Variants in F13A1 observed in about 807,000 individuals in gnomAD.
The protein encoded by F13A1 is coagulation factor XIII A chain.
F13A1 carries 47 observed loss-of-function variants against 80.1 expected under a neutral mutation model. The ratio of observed to expected loss-of-function variants is 0.59; its 90% CI spans 0.46 to 0.75. The LOEUF is 0.75. Among genes scored for constraint, F13A1 ranks in the 30% least tolerant of loss-of-function variants. F13A1 has a pLI of 0.00. For synonymous variants in F13A1, 349 were observed against 344.9 expected, an observed-to-expected ratio of 1.01 and a Z score of -0.13; for missense variants, 817 against 930.4, an observed-to-expected ratio of 0.88 and a Z score of 1.59.
In F13A1 at chr6:6,150,533, A is replaced by G. The variant is rs145962689; in HGVS notation, c.2045+1280T>C. 3.9e-3 allele frequency among the ~76,000 whole-genome samples: 594 copies of G among 152,354 alleles called. 5 individuals are homozygous for G. Among genetic ancestry groups the G allele is most frequent in the African/African-American group, 0.013 (556 of 41,582 alleles). The stretch of plus-strand genomic sequence containing the variant: ...GCATTGTAATTTGAAAGAAATGCGG[A>G]GAGCCCTTTATGGGCAATAAAGTTG... On this transcript the variant is annotated intron_variant, in intron 14 of 14. Coordinates refer to ENST00000264870, the MANE Select transcript of F13A1 (RefSeq NM_000129.4).
At chr6:6,186,918 T>A (rs1761089713) in intron 10 of F13A1, among the ~76,000 whole-genome samples, 1 of 141,046 alleles carries the variant, frequency 7.1e-6, no homozygotes, top group Non-Finnish European at 1.5e-5. Flanking sequence ...GGTTTGTAGT[T>A]CTCCTTGAAG....
chr6:6,159,911 CT>C (rs1583048007), intron 13 of F13A1, among the ~76,000 whole-genome samples: 1 of 152,134 alleles, frequency 6.6e-6, no homozygotes, highest in East Asian at 1.9e-4. Context: ...ACTCCTGGAG[CT>C]GTTCCAGGTG....
chr6:6,206,653 A>G, intron 8 of F13A1: 1 of 441,084 alleles, frequency 2.3e-6, no homozygotes. Context: ...ACCTTCAAAG[A>G]GCAATGCCCC....
At chr6:6,283,383 G>T (rs1264663100) in intron 3 of F13A1, among the ~76,000 whole-genome samples, 1 of 152,144 alleles carries the variant, frequency 6.6e-6, no homozygotes, top group Non-Finnish European at 1.5e-5. Flanking sequence ...ACTCAAATGT[G>T]TTCTAAAGAT....
At chr6:6,190,073 A>T (rs1761158473) in intron 10 of F13A1, among the ~76,000 whole-genome samples, 1 of 152,120 alleles carries the variant, frequency 6.6e-6, no homozygotes, top group Admixed American at 6.5e-5. Flanking sequence ...TTTCAGCTCC[A>T]TCAGCTCCTT....
intron 4 of F13A1, among the ~76,000 whole-genome samples, chr6:6,254,128 C>T (rs1393569513): frequency 2.0e-5 from 3 of 152,126 alleles, no homozygotes; most frequent in Admixed American, 1.3e-4. Flanking sequence ...CCTACCATAT[C>T]GGCAAATATT....
At chr6:6,160,233 C>T (rs1023810276) in intron 13 of F13A1, among the ~76,000 whole-genome samples, 3 of 148,938 alleles carry the variant, frequency 2.0e-5, no homozygotes, top group South Asian at 4.3e-4. Context: ...GCCGAGATCA[C>T]ACCACTGCAC....
rs183802148 is a variant in F13A1, at chr6:6,273,647, T to C, written c.320-6838A>G. Among the ~76,000 whole-genome samples, 20 of 152,332 alleles carry C rather than the reference T, an allele frequency of 1.3e-4. No homozygotes were observed. In the East Asian group the frequency reaches 3.9e-3, roughly 29 times the overall value. ...TTAATTCATTTTTCCATTTGATTCA[T>C]TTGTTTTTCCCAAGGCGCACCTTTC... On this transcript the variant is annotated intron_variant, in intron 3 of 14. Transcript: ENST00000264870.
chr6:6,197,696 C>G (rs548571224), intron 8 of F13A1, among the ~76,000 whole-genome samples: 2 of 151,964 alleles, frequency 1.3e-5, no homozygotes, highest in Non-Finnish European at 2.9e-5. Flanking sequence ...AAAAAGTGAC[C>G]CCAAATCCTG....
At chr6:6,272,564 T>G (rs959758358) in intron 3 of F13A1, among the ~76,000 whole-genome samples, 1 of 152,176 alleles carries the variant, frequency 6.6e-6, no homozygotes, top group Non-Finnish European at 1.5e-5. Flanking sequence ...TCATATGCTA[T>G]ACTTAGTAAT....
intron 13 of F13A1, among the ~76,000 whole-genome samples, chr6:6,167,214 C>T (rs1220329453): frequency 1.3e-5 from 2 of 152,086 alleles, no homozygotes; most frequent in Non-Finnish European, 2.9e-5. Context: ...TTTATATCTG[C>T]AGCCACATCT....
intron 6 of F13A1, among the ~76,000 whole-genome samples, chr6:6,241,329 G>T (rs1317638258): frequency 6.6e-6 from 1 of 152,058 alleles, no homozygotes; most frequent in East Asian, 1.9e-4. Flanking sequence ...GATGGAAGTT[G>T]TATCTTTACC....
chr6:6,248,737 A>G (rs111695913), intron 5 of F13A1, among the ~76,000 whole-genome samples: 112 of 152,344 alleles, frequency 7.4e-4, no homozygotes, highest in African/African-American at 2.6e-3. Context: ...TCTTTTCAAC[A>G]TATTGGCTCC....
rs986557438 is a variant in F13A1, at chr6:6,281,803, C to A, written c.320-14994G>T. ...GGTCAGGAGATCGAGACCATCCTGG[C>A]GAACTTGGTGAAACCCCGCCTCTAC... On this transcript the variant is annotated intron_variant, in intron 3 of 14. Transcript: ENST00000264870. Among the ~76,000 whole-genome samples, 6 of 151,798 alleles carry A rather than the reference C, an allele frequency of 4.0e-5. No individual in the cohort carries two copies. In the East Asian group the frequency reaches 1.2e-3, roughly 30 times the overall value.
chr6:6,190,099 AT>A (rs1761158876), intron 10 of F13A1, among the ~76,000 whole-genome samples: 1 of 151,780 alleles, frequency 6.6e-6, no homozygotes. Flanking sequence ...ACTTCTCTGT[AT>A]TGGTTATTCT....
chr6:6,252,649 TAAG>T (rs1044877624), intron 4 of F13A1, among the ~76,000 whole-genome samples: 6 of 152,206 alleles, frequency 3.9e-5, no homozygotes, highest in African/African-American at 1.2e-4. Flanking sequence ...AAAATATTTA[TAAG>T]AAAAATTAAC....
chr6:6,305,186 T>A, intron 3 of F13A1, 165 bp downstream of exon 3: 1 of 795,262 alleles, frequency 1.3e-6, no homozygotes, highest in Non-Finnish European at 2.2e-6. Flanking sequence ...TTTGGCACTA[T>A]ACAGACCAGT....
chr6:6,248,352 C>A lies in F13A1; in HGVS notation c.758G>T (p.Arg253Ile). 2 of 1,613,934 alleles carry A rather than the reference C, an allele frequency of 1.2e-6. No homozygotes were observed. Among genetic ancestry groups the A allele is most frequent in the Non-Finnish European group, 1.7e-6 (2 of 1,179,882 alleles). Residue 253 changes from arginine to isoleucine, a missense_variant, in exon 6 of 15, where the codon AGA becomes ATA. Arg to Ile is a moderately conservative substitution (Grantham distance 97). Transcript: ENST00000264870. ...ACGGCTGACTTTGATGGGATTCCCTCTTCCAGAGAGGTCCATTTGTGCTCT... is the reference window on the plus strand; with the variant it reads ...ACGGCTGACTTTGATGGGATTCCCTATTCCAGAGAGGTCCATTTGTGCTCT... ...MDRAQMDLSG[R>I]GNPIKVSRVG... is the part of the protein sequence containing the mutation.
intron 4 of F13A1, among the ~76,000 whole-genome samples, chr6:6,265,140 T>A (rs1472532146): frequency 6.6e-6 from 1 of 152,192 alleles, no homozygotes; most frequent in East Asian, 1.9e-4. Context: ...AAAAGATCAG[T>A]AGGACCAAGG....
Sources: gnomAD v4.1 joint callset for allele counts (sites outside exome capture counted in the v4.1 genomes callset) on GRCh38, gnomAD v4.1.1 for gene constraint, MANE v1.5 for transcripts, NCBI Gene and HGNC (gene_info 2026-07-23, HGNC 2026-07-21) for gene names.